DOCK7: variants seen among roughly 807,000 people sequenced by gnomAD.
DOCK7 encodes the protein dedicator of cytokinesis protein 7.
Under a neutral mutation model 271.0 loss-of-function variants are expected in DOCK7, and 138 were observed. The ratio of observed to expected loss-of-function variants is 0.51; its 90% CI spans 0.44 to 0.59. The LOEUF (loss-of-function observed/expected upper bound fraction) is 0.59, where lower values mean the gene tolerates loss of function less well. DOCK7 is among the 20% of genes least tolerant of loss of function. DOCK7 has a pLI of 0.00. For synonymous variants in DOCK7, 823 were observed against 876.1 expected, an observed-to-expected ratio of 0.94 and a Z score of 1.07; for missense variants, 2,066 against 2,592.4, an observed-to-expected ratio of 0.80 and a Z score of 4.41.
chr1:62,605,624 C>T (rs542076092), intron 14 of DOCK7: 1 of 152,406 alleles, frequency 6.6e-6, no homozygotes, highest in Non-Finnish European at 1.5e-5. Context: ...TTTGTGGCAT[C>T]GAGTTAAAGT....
chr1:62,630,541 G>T (rs982856650), intron 11 of DOCK7, among the ~76,000 whole-genome samples: 1 of 152,028 alleles, frequency 6.6e-6, no homozygotes, highest in Non-Finnish European at 1.5e-5. Flanking sequence ...ACCTTACGCT[G>T]CTACCACTTA....
chr1:62,519,720 T>C (rs1329694057), intron 31 of DOCK7, among the ~76,000 whole-genome samples: 1 of 151,810 alleles, frequency 6.6e-6, no homozygotes, highest in Non-Finnish European at 1.5e-5. Flanking sequence ...ATGAAACCAT[T>C]TGGGGAAGAT....
At position 62,599,971 on chromosome 1, in the gene DOCK7, A is replaced by G. The variant is rs115499772; in HGVS notation, c.1683-13347T>C. Reference sequence around the variant, plus strand: ...ATAATATAAACTCAGAGAAACTGGTAAACAAAATCATTTTCAAGAGATATA... The same window carrying G: ...ATAATATAAACTCAGAGAAACTGGTGAACAAAATCATTTTCAAGAGATATA... On this transcript the variant is annotated intron_variant, in intron 14 of 49. Transcript: ENST00000635253. Among the ~76,000 whole-genome samples the G allele has an allele frequency of 5.4e-3, 820 of 152,104 alleles. 12 individuals carry two copies. Among genetic ancestry groups the G allele is most frequent in the African/African-American group, 0.018 (768 of 41,560 alleles).
At chr1:62,485,714 A>G in intron 43 of DOCK7, 16 of 981,756 alleles carry the variant, frequency 1.6e-5, no homozygotes, top group Non-Finnish European at 1.9e-5. Flanking sequence ...GACAAGAGAG[A>G]AGAGAAAACA....
At chr1:62,649,667 A>G (rs144238649) in intron 4 of DOCK7, among the ~76,000 whole-genome samples, 206 of 152,294 alleles carry the variant, frequency 1.4e-3, no homozygotes, top group African/African-American at 4.8e-3. Flanking sequence ...CCTGTCCTCT[A>G]GTCTGTTGCT....
intron 14 of DOCK7, among the ~76,000 whole-genome samples, chr1:62,596,675 G>A (rs1366815284): frequency 6.6e-6 from 1 of 151,814 alleles, no homozygotes; most frequent in Non-Finnish European, 1.5e-5. Context: ...TCCTCTTTTT[G>A]TTAAATGTAT....
At chr1:62,630,951 G>A (rs982143941) in intron 11 of DOCK7, among the ~76,000 whole-genome samples, 4 of 152,090 alleles carry the variant, frequency 2.6e-5, no homozygotes, top group Non-Finnish European at 4.4e-5. Context: ...TTGGGAGGCC[G>A]AGGCAGGCAG....
In DOCK7 at chr1:62,495,725, C is replaced by A. The variant is rs763103089; in HGVS notation, c.4924-44G>T. Reference sequence around the variant, plus strand: ...TGAAAAACATTCTTGAATTGTCATTCATCCATAATCACCAAATTAGTTTCA... The same window carrying A: ...TGAAAAACATTCTTGAATTGTCATTAATCCATAATCACCAAATTAGTTTCA... On this transcript the variant is annotated intron_variant, in intron 38 of 49. Coordinates refer to ENST00000635253, the MANE Select transcript of DOCK7 (RefSeq NM_001367561.1). The A allele has an allele frequency of 2.1e-6, 3 of 1,424,304 alleles. No homozygotes were observed. In the African/African-American group the frequency reaches 4.4e-5, roughly 21 times the overall value. The allele number at this position is 1,424,304 out of a possible 1,614,324, so 88.2% of individuals were successfully genotyped here.
intron 13 of DOCK7, 56 bp downstream of exon 13, chr1:62,619,844 C>T (rs879484976): frequency 2.7e-6 from 3 of 1,119,360 alleles, no homozygotes; most frequent in Middle Eastern, 2.1e-4. Flanking sequence ...ATAAGCAATA[C>T]AACATAGTAG....
chr1:62,520,772 T>C (rs549250237), intron 31 of DOCK7, among the ~76,000 whole-genome samples: 5 of 152,330 alleles, frequency 3.3e-5, no homozygotes, highest in Admixed American at 6.5e-5. Context: ...CAAAGGATTA[T>C]AAATCATTCT....
intron 30 of DOCK7, 97 bp from the exon 31 acceptor site, chr1:62,528,402 C>T: frequency 8.7e-7 from 1 of 1,150,406 alleles, no homozygotes; most frequent in Non-Finnish European, 1.2e-6. Context: ...AACTTGTTGA[C>T]ATGTTATAGT....
At position 62,651,653 on chromosome 1, in the gene DOCK7, T is replaced by C. The variant is rs191954651; in HGVS notation, c.389+2072A>G. Among the ~76,000 whole-genome samples, 316 of 152,108 alleles carry C rather than the reference T, an allele frequency of 2.1e-3. 2 individuals are homozygous for C. The highest frequency in any genetic ancestry group is 7.2e-3 in the African/African-American group (300 of 41,522). On this transcript the variant is annotated intron_variant, in intron 4 of 49. Coordinates refer to ENST00000635253, the MANE Select transcript of DOCK7 (RefSeq NM_001367561.1). ...TAATCAAAATTTTAATTTCCAAAGA[T>C]AACGAATTGATTTTTATATGGTTAA...
chr1:62,664,494 C>T (rs545904338), intron 1 of DOCK7, among the ~76,000 whole-genome samples: 29 of 152,300 alleles, frequency 1.9e-4, no homozygotes, highest in South Asian at 8.3e-4. Context: ...TGTGGAACTA[C>T]GAGTCCATTA....
At position 62,559,233 on chromosome 1, in the gene DOCK7, A is replaced by AT. The variant is rs1338579658; in HGVS notation, c.2200-14dup. On this transcript the variant is annotated splice_polypyrimidine_tract_variant and intron_variant, in intron 19 of 49. Coordinates refer to ENST00000635253, the MANE Select transcript of DOCK7 (RefSeq NM_001367561.1). ...CAAGATAAGGATCCTAAAACAAAGA[A>AT]TAAACAAAAGCACTAAGCACTTATA... 2 of 1,601,654 alleles carry AT rather than the reference A, an allele frequency of 1.2e-6. No individual in the cohort carries two copies. The highest frequency in any genetic ancestry group is 2.7e-5 in the African/African-American group (2 of 74,556).
At chr1:62,518,981 T>C (rs1181506585) in intron 31 of DOCK7, among the ~76,000 whole-genome samples, 2 of 142,084 alleles carry the variant, frequency 1.4e-5, no homozygotes, top group African/African-American at 5.3e-5. Flanking sequence ...ACAAAAATGT[T>C]GAAAGGGATG....
At chr1:62,466,704 G>A (rs1156969139) in intron 48 of DOCK7, among the ~76,000 whole-genome samples, 2 of 152,126 alleles carry the variant, frequency 1.3e-5, no homozygotes, top group Admixed American at 6.5e-5. Flanking sequence ...ATCCGAGGCA[G>A]GTGGATCATC....
In DOCK7 at chr1:62,504,651, C is replaced by T; in HGVS notation, c.4743G>A (p.Arg1581=). The T allele has an allele frequency of 6.2e-7, 1 of 1,611,302 alleles. No homozygotes were observed. The highest frequency in any genetic ancestry group is 8.5e-7 in the Non-Finnish European group (1 of 1,179,240). The change falls in exon 37 of 50, where the codon AGG becomes AGA. Residue 1581 remains arginine (R), a synonymous_variant. Transcript: ENST00000635253. ...HASASLYLLM[R]QNFEIGNNFA... ...TTACATTCCCAATCTCAAAGTTTTG[C>T]CTCATTAGTAGGTAAAGGGAGGCAC...
intron 12 of DOCK7, among the ~76,000 whole-genome samples, chr1:62,623,686 T>C (rs1653572398): frequency 6.6e-6 from 1 of 152,240 alleles, no homozygotes; most frequent in East Asian, 1.9e-4. Context: ...GCAAATCTAT[T>C]ACCCCATTTC....
intron 12 of DOCK7, among the ~76,000 whole-genome samples, chr1:62,622,332 T>C (rs749398972): frequency 6.6e-6 from 1 of 152,158 alleles, no homozygotes; most frequent in Non-Finnish European, 1.5e-5. Context: ...CCTGTACCAC[T>C]GAAAAAAATA....
Sources: gnomAD v4.1 joint callset for allele counts (sites outside exome capture counted in the v4.1 genomes callset) on GRCh38, gnomAD v4.1.1 for gene constraint, MANE v1.5 for transcripts, NCBI Gene and HGNC (gene_info 2026-07-23, HGNC 2026-07-21) for gene names.